Variants in DDX59 observed in about 807,000 individuals in gnomAD.
DDX59 encodes the protein DEAD-box helicase 59.
DDX59 carries 30 observed loss-of-function variants against 51.9 expected under a neutral mutation model. The observed-to-expected ratio is 0.58, with a 90% CI of 0.43 to 0.78. The LOEUF (loss-of-function observed/expected upper bound fraction) is 0.78. Ranked by LOEUF, DDX59 falls within the 30% of genes least tolerant of loss-of-function variation. DDX59 has a pLI of 0.00. For synonymous variants in DDX59, 255 were observed against 253.3 expected (o/e 1.01, Z -0.06); for missense variants, 672 against 730.8 (o/e 0.92, Z 0.93).
At chr1:200,641,611 G>A (rs956502334), downstream of DDX59, among the ~76,000 whole-genome samples, 1 of 152,190 alleles carries the variant, frequency 6.6e-6, no homozygotes, top group Non-Finnish European at 1.5e-5. Context: ...GCTCACGCCT[G>A]TAATCCCAGC....
chr1:200,651,330 C>T (rs1661648656), intron 4 of DDX59, among the ~76,000 whole-genome samples: 1 of 152,042 alleles, frequency 6.6e-6, no homozygotes, highest in African/African-American at 2.4e-5. Context: ...TGAAATCTAA[C>T]CCACAATGTA....
intron 1 of DDX59, chr1:200,669,461 G>A (rs1191459613): frequency 6.6e-6 from 1 of 152,648 alleles, no homozygotes; most frequent in African/African-American, 2.4e-5. Context: ...GCGGACGGCT[G>A]GCGGCGGCGC....
chr1:200,668,036 C>T (rs985603961), intron 1 of DDX59, among the ~76,000 whole-genome samples: 3 of 152,102 alleles, frequency 2.0e-5, no homozygotes, highest in African/African-American at 7.2e-5. Context: ...CAGTGGCTCA[C>T]GCCTGTAATC....
downstream of DDX59, among the ~76,000 whole-genome samples, chr1:200,642,923 G>A (rs1052918081): frequency 6.6e-6 from 1 of 152,192 alleles, no homozygotes; most frequent in East Asian, 1.9e-4. Flanking sequence ...AAGGTCAACA[G>A]AGACCACGGG....
chr1:200,641,282 T>C, downstream of DDX59: 1 of 1,236,416 alleles, frequency 8.1e-7, no homozygotes, highest in Non-Finnish European at 1.1e-6. Context: ...AGTGTAGTTT[T>C]ACTGGAAAAT....
chr1:200,647,392 T>C (rs1274704738), intron 7 of DDX59, among the ~76,000 whole-genome samples: 1 of 152,190 alleles, frequency 6.6e-6, no homozygotes, highest in Non-Finnish European at 1.5e-5. Flanking sequence ...AAAAATACTT[T>C]AAAGGATCAA....
intron 7 of DDX59, among the ~76,000 whole-genome samples, chr1:200,646,195 G>A (rs1661281967): frequency 6.6e-6 from 1 of 152,072 alleles, no homozygotes; most frequent in South Asian, 2.1e-4. Flanking sequence ...TTAGCCAGGT[G>A]TGGTGGCATG....
intron 4 of DDX59, among the ~76,000 whole-genome samples, chr1:200,653,594 C>T (rs1466562007): frequency 1.3e-5 from 2 of 152,216 alleles, no homozygotes; most frequent in Non-Finnish European, 1.5e-5. Context: ...GGTTTCCCAT[C>T]ACACTTAGAA....
chr1:200,663,102 G>A (rs2102913670), intron 3 of DDX59, among the ~76,000 whole-genome samples: 1 of 152,238 alleles, frequency 6.6e-6, no homozygotes, highest in East Asian at 1.9e-4. Flanking sequence ...AATACTGCAG[G>A]AGCTTCATCC....
At chr1:200,643,458 A>T (rs965117609), downstream of DDX59, among the ~76,000 whole-genome samples, 1 of 151,906 alleles carries the variant, frequency 6.6e-6, no homozygotes, top group African/African-American at 2.4e-5. Flanking sequence ...CCTGGCTAAC[A>T]CAGTGAAACC....
chr1:200,651,031 T>G (rs189475988), intron 4 of DDX59, among the ~76,000 whole-genome samples: 112 of 152,208 alleles, frequency 7.4e-4, no homozygotes, highest in African/African-American at 2.6e-3. Flanking sequence ...GAATGATTGC[T>G]AGGTTAAAAA....
At chr1:200,652,111 C>A (rs771721738) in intron 4 of DDX59, among the ~76,000 whole-genome samples, 3 of 151,396 alleles carry the variant, frequency 2.0e-5, no homozygotes, top group Non-Finnish European at 4.4e-5. Context: ...TTTTTTTCCC[C>A]CTTCTGGGCC....
In DDX59 at chr1:200,664,069, C is replaced by A. The variant is rs765632353; in HGVS notation, c.822G>T (p.Ala274=). The A allele has an allele frequency of 6.2e-7, 1 of 1,611,374 alleles. No homozygotes were observed. Among genetic ancestry groups the A allele is most frequent in the Non-Finnish European group, 8.5e-7 (1 of 1,179,322 alleles). The change falls in exon 3 of 8, where the codon GCG becomes GCT. Residue 274 remains alanine, a synonymous_variant. Coordinates refer to ENST00000331314, the MANE Select transcript of DDX59 (RefSeq NM_001031725.6). ...RALFESKTPS[A]LILTPTRELA... Reference sequence around the variant, plus strand: ...ACTCTCTGGTTGGTGTAAGAATGAGCGCAGATGGAGTTTTGCTCTGCAAAG... The same window carrying A: ...ACTCTCTGGTTGGTGTAAGAATGAGAGCAGATGGAGTTTTGCTCTGCAAAG...
At chr1:200,667,103 C>T (rs1662817439) in intron 1 of DDX59, among the ~76,000 whole-genome samples, 1 of 149,322 alleles carries the variant, frequency 6.7e-6, no homozygotes, top group Non-Finnish European at 1.5e-5. Context: ...GAGATTCTGT[C>T]TCAAAAAAAT....
At position 200,666,230 on chromosome 1, in the gene DDX59, G is replaced by A. The variant is rs149530427; in HGVS notation, c.511C>T (p.His171Tyr). The A allele has an allele frequency of 1.7e-3, 2,694 of 1,614,208 alleles. 1 individual carries two copies. Among genetic ancestry groups the A allele is most frequent in the Non-Finnish European group, 2.1e-3 (2,534 of 1,180,032 alleles). The change falls in exon 2 of 8, where the codon CAC becomes TAC. Residue 171 changes from histidine (H) to tyrosine (Y), a missense_variant. Physicochemically the swap from His to Tyr is moderately conservative, Grantham distance 83. Transcript: ENST00000331314. ...TCCTGAAGGTTCAAAATAAAGGGGTGCTCTTTGTAGACATAGGAAGCATTC... is the reference window on the plus strand; with the variant it reads ...TCCTGAAGGTTCAAAATAAAGGGGTACTCTTTGTAGACATAGGAAGCATTC... ...PLNASYVYKE[H>Y]PFILNLQEDQ... is the part of the protein sequence containing the mutation.
intron 4 of DDX59, among the ~76,000 whole-genome samples, chr1:200,653,933 A>C (rs924809862): frequency 4.6e-5 from 7 of 152,192 alleles, no homozygotes; most frequent in African/African-American, 1.4e-4. Context: ...CATTTATCAC[A>C]GCTACACGAG....
At chr1:200,646,065 C>T (rs1419721766) in intron 7 of DDX59, among the ~76,000 whole-genome samples, 2 of 152,116 alleles carry the variant, frequency 1.3e-5, no homozygotes, top group Non-Finnish European at 2.9e-5. Context: ...CTGGACATGG[C>T]GGCTCATGCC....
downstream of DDX59, chr1:200,643,956 G>T: frequency 4.0e-6 from 1 of 252,850 alleles, no homozygotes; most frequent in Non-Finnish European, 6.3e-6. Flanking sequence ...TCACTGATCC[G>T]AGTCAGAGTC....
chr1:200,656,883 G>A lies in DDX59; in HGVS notation c.1062+2144C>T, dbSNP rs182722106. On this transcript the variant is annotated intron_variant, in intron 4 of 7. Transcript: ENST00000331314. ...AGCCTGGGCAACATAGCAAGACCCC[G>A]TCTCTAAACAAATTTTAAAAACAAA... 1.2e-4 allele frequency among the ~76,000 whole-genome samples: 18 copies of A among 152,166 alleles called. No homozygotes were observed. The East Asian group carries it at 3.1e-3, about 26-fold the overall frequency.
Sources: allele counts gnomAD v4.1 joint callset (sites outside exome capture counted in the v4.1 genomes callset), GRCh38; gene constraint gnomAD v4.1.1; transcripts MANE v1.5; gene names NCBI Gene and HGNC (gene_info 2026-07-23, HGNC 2026-07-21).